Variants in TTC28 observed in about 807,000 individuals in gnomAD.
The protein encoded by TTC28 is tetratricopeptide repeat domain 28, also known as tetratricopeptide repeat protein 28.
TTC28 carries 61 observed loss-of-function variants against 198.0 expected under a neutral mutation model. That is an observed-to-expected ratio of 0.31 (90% CI 0.25 to 0.38). The LOEUF is 0.38. TTC28 is among the 10% of genes least tolerant of loss of function. TTC28 has a pLI of 1.00. For missense variants in TTC28, 2,678 were observed against 3,164.0 expected, an observed-to-expected ratio of 0.85 and a Z score of 3.69; for synonymous variants, 1,171 against 1,297.8, an observed-to-expected ratio of 0.90 and a Z score of 2.10.
intron 2 of TTC28, among the ~76,000 whole-genome samples, chr22:28,611,755 G>A (rs1043105360): frequency 8.8e-5 from 13 of 147,612 alleles, no homozygotes; most frequent in African/African-American, 1.5e-4. Context: ...GAGAATATGC[G>A]GTGTTTGGTT....
chr22:28,324,561 C>A (rs772620519), intron 2 of TTC28, among the ~76,000 whole-genome samples: 18 of 152,278 alleles, frequency 1.2e-4, no homozygotes, highest in Non-Finnish European at 1.5e-4. Flanking sequence ...TGGTCTTCAT[C>A]CCTGGGATGC....
At chr22:28,444,095 T>C (rs1486723762) in intron 2 of TTC28, among the ~76,000 whole-genome samples, 3 of 152,202 alleles carry the variant, frequency 2.0e-5, no homozygotes, top group Non-Finnish European at 4.4e-5. Context: ...TCATCTTCTG[T>C]GAAATCATTC....
intron 2 of TTC28, among the ~76,000 whole-genome samples, chr22:28,431,297 A>G (rs2047425988): frequency 6.6e-6 from 1 of 152,204 alleles, no homozygotes; most frequent in Admixed American, 6.5e-5. Context: ...TGATTTTTAA[A>G]ATTATTCTAA....
At chr22:28,165,327 A>C (rs567275666) in intron 5 of TTC28, among the ~76,000 whole-genome samples, 1 of 152,324 alleles carries the variant, frequency 6.6e-6, no homozygotes, top group East Asian at 1.9e-4. Flanking sequence ...AATACAGAGA[A>C]CACCACAAAG....
chr22:28,594,529 A>G (rs1372365133), intron 2 of TTC28, among the ~76,000 whole-genome samples: 1 of 148,026 alleles, frequency 6.8e-6, no homozygotes, highest in African/African-American at 2.7e-5. Flanking sequence ...AAAAAGGTTG[A>G]GACTCATTGT....
intron 12 of TTC28, among the ~76,000 whole-genome samples, chr22:28,091,988 G>A (rs1202769965): frequency 6.6e-6 from 1 of 152,156 alleles, no homozygotes; most frequent in Non-Finnish European, 1.5e-5. Context: ...AGCTGCCAAA[G>A]GCTACCCCAG....
At chr22:28,621,848 A>G (rs1185302488) in intron 2 of TTC28, among the ~76,000 whole-genome samples, 1 of 152,174 alleles carries the variant, frequency 6.6e-6, no homozygotes, top group Non-Finnish European at 1.5e-5. Context: ...AATAAGATAA[A>G]TATCTTAAAT....
At position 28,679,713 on chromosome 22, in the gene TTC28, G is replaced by A. The variant is rs937562185; in HGVS notation, c.11C>T (p.Ser4Leu). ...GGTCGGCTCGGGCGCCGGCGGCGGC[G>A]ACTGCTCCATCCCCACGGGGCCCGG... MEQSPPPAPEPTQG... is the reference protein window; with the variant it reads MEQLPPPAPEPTQG... The change falls in exon 1 of 23, where the codon TCG becomes TTG. Residue 4 changes from serine to leucine, a missense_variant. By Grantham distance (145) the Ser-to-Leu change is moderately radical. Around this residue, in one of 8 missense-constraint regions of TTC28, gnomAD observed 22 missense variants for 55.0 expected, o/e 0.40. Coordinates refer to ENST00000397906, the MANE Select transcript of TTC28 (RefSeq NM_001145418.2). 6 of 1,260,438 alleles carry A rather than the reference G, an allele frequency of 4.8e-6. No individual in the cohort carries two copies. Among genetic ancestry groups the A allele is most frequent in the African/African-American group, 1.6e-5 (1 of 63,724 alleles). 78.1% of individuals were successfully genotyped at this position (1,260,438 alleles called of 1,614,324 possible). A position where few individuals can be genotyped will look rare whatever the true frequency, so the allele number is the denominator to read the frequency against.
Position 28,030,305 on chromosome 22 carries a change from C to T in TTC28, c.3994G>A (p.Glu1332Lys), listed in dbSNP as rs1266189120. 63 of 1,551,708 alleles carry T rather than the reference C, an allele frequency of 4.1e-5. 1 individual carries two copies. The highest frequency in any genetic ancestry group is 4.8e-5 in the Non-Finnish European group (55 of 1,147,042). ...AGDIMDQQFE[E>K]MNNKLNSVTD... ...ACCGAGTTGAGTTTGTTGTTCATCT[C>T]TTCAAATTGCTGGTCCATGATGTCT... The change falls in exon 13 of 23, where the codon GAG becomes AAG. Residue 1332 changes from glutamate (E) to lysine (K), a missense_variant. Physicochemically the swap from Glu to Lys is moderately conservative, Grantham distance 56. Coordinates refer to ENST00000397906, the MANE Select transcript of TTC28 (RefSeq NM_001145418.2).
chr22:27,998,527 G>A lies in TTC28; in HGVS notation c.5119+13C>T. Reference sequence around the variant, plus strand: ...AGGCCTTGACAGGCACCCGCAGCCAGCCGAACTCCCACCTGCCCAGTTGGA... The same window carrying A: ...AGGCCTTGACAGGCACCCGCAGCCAACCGAACTCCCACCTGCCCAGTTGGA... On this transcript the variant is annotated intron_variant, in intron 16 of 22. Coordinates refer to ENST00000397906, the MANE Select transcript of TTC28 (RefSeq NM_001145418.2). 6.5e-7 allele frequency: 1 copy of A among 1,543,486 alleles called. No homozygotes were observed. The highest frequency in any genetic ancestry group is 2.4e-5 in the East Asian group (1 of 40,818).
chr22:28,230,031 C>T (rs1928682353), intron 5 of TTC28, among the ~76,000 whole-genome samples: 1 of 152,068 alleles, frequency 6.6e-6, no homozygotes, highest in African/African-American at 2.4e-5. Context: ...ACCTGGTATC[C>T]AGTTTGGTCC....
intron 1 of TTC28, among the ~76,000 whole-genome samples, chr22:28,658,996 C>CA (rs1356009517): frequency 6.6e-6 from 1 of 151,046 alleles, no homozygotes; most frequent in East Asian, 1.9e-4. Context: ...GATTCTGTCT[C>CA]AAAAAAAGAA....
At chr22:27,989,748 G>A in intron 21 of TTC28, 130 bp downstream of exon 21, 1 of 1,243,442 alleles carries the variant, frequency 8.0e-7, no homozygotes, top group Non-Finnish European at 1.1e-6. Context: ...TACCCAGCCT[G>A]AGTTAACTGT....
At chr22:28,039,029 G>A (rs929626646) in intron 12 of TTC28, among the ~76,000 whole-genome samples, 5 of 152,196 alleles carry the variant, frequency 3.3e-5, no homozygotes, top group Non-Finnish European at 1.5e-5. Context: ...AACAGGTGCT[G>A]GACAGGATGT....
intron 6 of TTC28, among the ~76,000 whole-genome samples, chr22:28,132,620 T>C (rs1228864216): frequency 6.6e-6 from 1 of 152,202 alleles, no homozygotes; most frequent in African/African-American, 2.4e-5. Flanking sequence ...AATGTTCTGA[T>C]TTTCTAACAC....
At chr22:28,514,125 ATTC>A (rs2048738309) in intron 2 of TTC28, among the ~76,000 whole-genome samples, 1 of 152,184 alleles carries the variant, frequency 6.6e-6, no homozygotes, top group Non-Finnish European at 1.5e-5. Context: ...ATCTCCATGT[ATTC>A]TTCTACTCTA....
At chr22:28,598,684 A>G (rs1225381254) in intron 2 of TTC28, among the ~76,000 whole-genome samples, 1 of 152,130 alleles carries the variant, frequency 6.6e-6, no homozygotes, top group African/African-American at 2.4e-5. Context: ...TGATTTATAG[A>G]TTATCCTGGA....
At chr22:28,642,785 G>A (rs1191475371) in intron 1 of TTC28, among the ~76,000 whole-genome samples, 1 of 152,112 alleles carries the variant, frequency 6.6e-6, no homozygotes, top group Non-Finnish European at 1.5e-5. Context: ...GTTTAGATCT[G>A]CACTGCCCAA....
At chr22:28,522,271 A>T (rs781755330) in intron 2 of TTC28, among the ~76,000 whole-genome samples, 3 of 152,146 alleles carry the variant, frequency 2.0e-5, no homozygotes, top group Non-Finnish European at 4.4e-5. Context: ...GTGGATTACC[A>T]GAGTCAGGAG....
Sources: allele counts gnomAD v4.1 joint callset (sites outside exome capture counted in the v4.1 genomes callset), GRCh38; gene constraint gnomAD v4.1.1; regional missense constraint gnomAD v4.1.1; transcripts MANE v1.5; gene names NCBI Gene and HGNC (gene_info 2026-07-23, HGNC 2026-07-21).